The following THSD7A variants were observed in gnomAD, a reference collection of about 807,000 sequenced individuals.
The protein encoded by THSD7A is thrombospondin type 1 domain containing 7A.
THSD7A carries 96 observed loss-of-function variants against 231.3 expected under a neutral mutation model. The observed-to-expected ratio is 0.41, with a 90% confidence interval of 0.35 to 0.49. The LOEUF (loss-of-function observed/expected upper bound fraction) is 0.49, where lower values mean the gene tolerates loss of function less well. THSD7A is among the 20% of genes least tolerant of loss of function. The probability of loss-of-function intolerance (pLI) is 0.05; values close to 1 mark genes in which losing one functional copy is unlikely to be tolerated. For synonymous variants in THSD7A, 940 were observed against 743.3 expected (o/e 1.26, Z -4.30); for missense variants, 2,290 against 2,070.2 (o/e 1.11, Z -2.06).
At chr7:11,672,216 A>G (rs1330456874) in intron 1 of THSD7A, among the ~76,000 whole-genome samples, 1 of 152,138 alleles carries the variant, frequency 6.6e-6, no homozygotes, top group Non-Finnish European at 1.5e-5. Context: ...TCTAACAGAG[A>G]AGCATTAACC....
At chr7:11,762,281 T>C (rs1440328830) in intron 1 of THSD7A, among the ~76,000 whole-genome samples, 2 of 152,168 alleles carry the variant, frequency 1.3e-5, no homozygotes, top group African/African-American at 4.8e-5. Flanking sequence ...GGTTGAATGG[T>C]AATGATATTG....
At chr7:11,681,425 G>A (rs956741738) in intron 1 of THSD7A, among the ~76,000 whole-genome samples, 7 of 151,898 alleles carry the variant, frequency 4.6e-5, no homozygotes, top group African/African-American at 7.2e-5. Flanking sequence ...CAGAACTTAC[G>A]GAAGTGAAAA....
intron 1 of THSD7A, among the ~76,000 whole-genome samples, chr7:11,697,031 C>T (rs1169719506): frequency 1.3e-5 from 2 of 151,172 alleles, no homozygotes; most frequent in Non-Finnish European, 3.0e-5. Context: ...TTGAATTTGG[C>T]CAGGCCAAAT....
chr7:11,515,506 T>A (rs1387074514), intron 6 of THSD7A, among the ~76,000 whole-genome samples: 3 of 152,064 alleles, frequency 2.0e-5, no homozygotes, highest in African/African-American at 7.2e-5. Context: ...ATATCAACAA[T>A]TAATTATGAT....
In THSD7A at chr7:11,663,213, TA is replaced by T. The variant is rs1268974791; in HGVS notation, c.191-26253del. Among the ~76,000 whole-genome samples the T allele has an allele frequency of 6.0e-5, 9 of 151,136 alleles. No individual in the cohort carries two copies. In the South Asian group the frequency reaches 1.2e-3, roughly 21 times the overall value. On this transcript the variant is annotated intron_variant, in intron 1 of 27. Transcript: ENST00000423059. ...TCTTCTTTAATTTATTCTTCAGACA[TA>T]AAAAAATAAGAGGGTATTATGACAA...
At chr7:11,501,061 A>G (rs1787316934) in intron 6 of THSD7A, among the ~76,000 whole-genome samples, 1 of 152,132 alleles carries the variant, frequency 6.6e-6, no homozygotes, top group Admixed American at 6.5e-5. Context: ...AAAGGTTTCA[A>G]TTCAATGAGA....
intron 1 of THSD7A, among the ~76,000 whole-genome samples, chr7:11,689,155 G>A (rs1402231296): frequency 6.6e-6 from 1 of 151,790 alleles, no homozygotes; most frequent in Non-Finnish European, 1.5e-5. Flanking sequence ...AAAAGTCTTA[G>A]AGTCTGAGCC....
At chr7:11,605,508 C>T (rs775144852) in intron 2 of THSD7A, among the ~76,000 whole-genome samples, 32 of 152,078 alleles carry the variant, frequency 2.1e-4, no homozygotes, top group Admixed American at 6.6e-4. Context: ...GTCAGACCCC[C>T]GCTCCATGCT....
intron 1 of THSD7A, among the ~76,000 whole-genome samples, chr7:11,708,763 G>T (rs74423140): frequency 0.01 from 1,530 of 150,764 alleles, 24 homozygotes; most frequent in African/African-American, 0.035. Flanking sequence ...GATCCAATAT[G>T]CCAAATTCTA....
intron 2 of THSD7A, among the ~76,000 whole-genome samples, chr7:11,622,765 G>C (rs1402326588): frequency 6.6e-6 from 1 of 152,086 alleles, no homozygotes; most frequent in Admixed American, 6.6e-5. Context: ...AAATAACATA[G>C]TGAAGGGCCA....
Position 11,634,551 on chromosome 7 carries a change from T to C in THSD7A, c.1022+1579A>G. 6.6e-6 allele frequency among the ~76,000 whole-genome samples: 1 copy of C among 151,100 alleles called. No individual in the cohort carries two copies. The highest frequency in any genetic ancestry group is 2.1e-4 in the South Asian group (1 of 4,794). On this transcript the variant is annotated intron_variant, in intron 2 of 27. Transcript: ENST00000423059. The surrounding 1 kb of genome is among the most constrained non-coding windows in gnomAD (Gnocchi z 4.1). ...TAAGGATAGTCAGAAAAGAACAAAA[T>C]AGGAATTGAGTTGAAAATATACATG... is the stretch of plus-strand genomic sequence containing the variant.
At chr7:11,818,277 A>G (rs1026139658) in intron 1 of THSD7A, among the ~76,000 whole-genome samples, 1 of 152,176 alleles carries the variant, frequency 6.6e-6, no homozygotes, top group African/African-American at 2.4e-5. Flanking sequence ...CATAAGTTAA[A>G]CTATTTTAGC....
chr7:11,396,362 A>T (rs1783186727), intron 23 of THSD7A, among the ~76,000 whole-genome samples: 1 of 152,156 alleles, frequency 6.6e-6, no homozygotes, highest in Admixed American at 6.5e-5. Flanking sequence ...TTTTGAAAAG[A>T]TCAACAATTT....
At chr7:11,723,761 G>T (rs7787906) in intron 1 of THSD7A, among the ~76,000 whole-genome samples, 2 of 151,860 alleles carry the variant, frequency 1.3e-5, no homozygotes, top group African/African-American at 2.4e-5. Context: ...AAAAACAACC[G>T]TAAGTATTGT....
At chr7:11,809,005 T>C (rs983844414) in intron 1 of THSD7A, among the ~76,000 whole-genome samples, 1 of 152,078 alleles carries the variant, frequency 6.6e-6, no homozygotes. Flanking sequence ...AAGAAAATCA[T>C]CATGAGTATT....
chr7:11,508,287 G>T (rs1479110103), intron 6 of THSD7A, among the ~76,000 whole-genome samples: 1 of 152,120 alleles, frequency 6.6e-6, no homozygotes, highest in Non-Finnish European at 1.5e-5. Flanking sequence ...CTTCAAAGAA[G>T]AAATACAGCG....
intron 13 of THSD7A, among the ~76,000 whole-genome samples, chr7:11,443,683 C>T (rs1435806201): frequency 6.6e-6 from 1 of 151,650 alleles, no homozygotes; most frequent in Non-Finnish European, 1.5e-5. Context: ...ATTGATTGCC[C>T]AACAACGTGA....
intron 1 of THSD7A, among the ~76,000 whole-genome samples, chr7:11,758,324 C>T (rs2128167132): frequency 6.6e-6 from 1 of 151,946 alleles, no homozygotes; most frequent in East Asian, 1.9e-4. Context: ...CGTAGAAAAC[C>T]TTTAAATGCT....
At chr7:11,580,132 T>G (rs1043516648) in intron 4 of THSD7A, among the ~76,000 whole-genome samples, 1 of 152,150 alleles carries the variant, frequency 6.6e-6, no homozygotes, top group Non-Finnish European at 1.5e-5. Context: ...CATGGTAAAA[T>G]CAACTCTTGA....
Sources: gnomAD v4.1 joint callset for allele counts (sites outside exome capture counted in the v4.1 genomes callset) on GRCh38, gnomAD v4.1.1 for gene constraint, Gnocchi (gnomAD v3.1) non-coding constraint, MANE v1.5 for transcripts, NCBI Gene and HGNC (gene_info 2026-07-23, HGNC 2026-07-21) for gene names.